Variants in RPS6KC1 observed in about 807,000 individuals in gnomAD.
RPS6KC1 encodes ribosomal protein S6 kinase C1, also known as inactive ribosomal protein S6 kinase delta-1.
In RPS6KC1, 54 loss-of-function variants were observed where a neutral mutation model predicts 103.8. The ratio of observed to expected loss-of-function variants is 0.52; its 90% CI spans 0.42 to 0.65. The LOEUF (loss-of-function observed/expected upper bound fraction) is 0.65. RPS6KC1 is among the 30% of genes least tolerant of loss of function. The probability of loss-of-function intolerance (pLI) is 0.00; values close to 1 mark genes in which losing one functional copy is unlikely to be tolerated. For missense variants in RPS6KC1, 1,151 were observed against 1,253.8 expected (o/e 0.92, Z 1.24); for synonymous variants, 439 against 438.7 (o/e 1.00, Z -0.01).
At chr1:213,423,714 C>G in the RPS6KC1 span, among the ~76,000 whole-genome samples, 3 of 151,334 alleles carry the variant, frequency 2.0e-5, no homozygotes, top group Non-Finnish European at 4.4e-5. Flanking sequence ...TCTTGAGGCA[C>G]AGTTTCTTTC....
At chr1:213,367,040 A>G in the RPS6KC1 span, among the ~76,000 whole-genome samples, 13 of 152,328 alleles carry the variant, frequency 8.5e-5, no homozygotes, top group South Asian at 2.1e-4. Flanking sequence ...AACTGTTTCT[A>G]TATGACATGG....
chr1:213,221,113 A>G (rs977921525), intron 8 of RPS6KC1, among the ~76,000 whole-genome samples: 2 of 152,202 alleles, frequency 1.3e-5, no homozygotes, highest in African/African-American at 4.8e-5. Context: ...TGAATAAAAC[A>G]TCTTACATTT....
At chr1:213,387,443 G>A in the RPS6KC1 span, among the ~76,000 whole-genome samples, 1 of 152,110 alleles carries the variant, frequency 6.6e-6, no homozygotes, top group Non-Finnish European at 1.5e-5. Flanking sequence ...GCTTCCTGGG[G>A]ACTCCACTTT....
intron 8 of RPS6KC1, among the ~76,000 whole-genome samples, chr1:213,197,410 C>T (rs1228132524): frequency 6.6e-6 from 1 of 152,140 alleles, no homozygotes; most frequent in Admixed American, 6.5e-5. Context: ...TTCTACCCGT[C>T]CATCAGGATA....
the RPS6KC1 span, among the ~76,000 whole-genome samples, chr1:213,848,304 T>A: frequency 1.3e-5 from 2 of 152,182 alleles, no homozygotes; most frequent in Non-Finnish European, 2.9e-5. Context: ...TTCCTCCCTT[T>A]ATTCCTGACC....
intron 7 of RPS6KC1, among the ~76,000 whole-genome samples, chr1:213,169,230 T>C (rs1558466734): frequency 6.6e-6 from 1 of 152,224 alleles, no homozygotes; most frequent in African/African-American, 2.4e-5. Flanking sequence ...TTTGTATGCT[T>C]TTTGAAAATG....
chr1:213,195,821 G>GGTGTGTGTGTGTGT (rs60968477), intron 8 of RPS6KC1, among the ~76,000 whole-genome samples: 2 of 149,630 alleles, frequency 1.3e-5, no homozygotes, highest in African/African-American at 5.0e-5. Context: ...AGTATTCCAT[G>GGTGTGTGTGTGTGT]GTGTGTGTGT....
chr1:213,800,335 G>A, the RPS6KC1 span, among the ~76,000 whole-genome samples: 2 of 152,102 alleles, frequency 1.3e-5, no homozygotes, highest in Admixed American at 1.3e-4. Context: ...ATGTTGGAGT[G>A]GCTTGCTTCC....
the RPS6KC1 span, among the ~76,000 whole-genome samples, chr1:213,378,471 G>A: frequency 2.0e-5 from 3 of 152,158 alleles, no homozygotes; most frequent in Admixed American, 1.3e-4. Context: ...AATTGCATTC[G>A]TGTTTTTCTC....
chr1:213,426,458 C>A, the RPS6KC1 span, among the ~76,000 whole-genome samples: 1 of 152,090 alleles, frequency 6.6e-6, no homozygotes, highest in Admixed American at 6.5e-5. Flanking sequence ...TTTTTGCGGT[C>A]TCCTTCCCCC....
the RPS6KC1 span, among the ~76,000 whole-genome samples, chr1:213,757,036 G>A: frequency 6.6e-6 from 1 of 152,138 alleles, no homozygotes; most frequent in Admixed American, 6.5e-5. Context: ...TAAATGTTGT[G>A]TGTTCTGACT....
the RPS6KC1 span, among the ~76,000 whole-genome samples, chr1:213,615,554 G>A: frequency 6.6e-6 from 1 of 152,258 alleles, no homozygotes; most frequent in Non-Finnish European, 1.5e-5. Context: ...CCATCAGGAA[G>A]CCTGTTAAGA....
At chr1:213,609,656 T>A in the RPS6KC1 span, among the ~76,000 whole-genome samples, 2 of 151,806 alleles carry the variant, frequency 1.3e-5, no homozygotes, top group Non-Finnish European at 2.9e-5. Context: ...GGGCATCAGG[T>A]GGGTTTATCT....
the RPS6KC1 span, among the ~76,000 whole-genome samples, chr1:213,781,552 T>G: frequency 6.6e-6 from 1 of 152,168 alleles, no homozygotes; most frequent in Admixed American, 6.5e-5. Flanking sequence ...TTTCCACGTG[T>G]GAATTTGGAA....
At chr1:213,671,622 A>G in the RPS6KC1 span, among the ~76,000 whole-genome samples, 1 of 152,216 alleles carries the variant, frequency 6.6e-6, no homozygotes, top group Non-Finnish European at 1.5e-5. Flanking sequence ...CATCTCTACT[A>G]AAAATACAAA....
At chr1:213,554,962 C>T in the RPS6KC1 span, among the ~76,000 whole-genome samples, 1 of 152,106 alleles carries the variant, frequency 6.6e-6, no homozygotes, top group Non-Finnish European at 1.5e-5. Flanking sequence ...AGAATCCTGA[C>T]AAATATGATA....
intron 8 of RPS6KC1, among the ~76,000 whole-genome samples, chr1:213,212,546 T>C (rs1241610858): frequency 2.0e-5 from 3 of 152,160 alleles, no homozygotes; most frequent in South Asian, 4.1e-4. Flanking sequence ...TAAACATCCA[T>C]GTGCAGGGGT....
At chr1:213,240,052 G>A (rs1397493411) in intron 10 of RPS6KC1, among the ~76,000 whole-genome samples, 6 of 151,966 alleles carry the variant, frequency 3.9e-5, no homozygotes, top group South Asian at 2.1e-4. Flanking sequence ...ATACACAGTC[G>A]GAATTTCCGT....
chr1:213,831,463 C>T, the RPS6KC1 span, among the ~76,000 whole-genome samples: 1 of 152,144 alleles, frequency 6.6e-6, no homozygotes, highest in Admixed American at 6.5e-5. Context: ...TGAGTTCTCC[C>T]CTGAAGTCAC....
Sources: gnomAD v4.1 joint callset for allele counts (sites outside exome capture counted in the v4.1 genomes callset) on GRCh38, gnomAD v4.1.1 for gene constraint, MANE v1.5 for transcripts, NCBI Gene and HGNC (gene_info 2026-07-23, HGNC 2026-07-21) for gene names.